The following SH3D19 variants were observed in gnomAD, a reference collection of about 807,000 sequenced individuals.
The protein encoded by SH3D19 is SH3 domain-containing protein 19.
A neutral mutation model predicts 112.1 loss-of-function variants in SH3D19; 58 were observed. That is an observed-to-expected ratio of 0.52 (90% confidence interval 0.42 to 0.64). The LOEUF (loss-of-function observed/expected upper bound fraction) is 0.64. Among genes scored for constraint, SH3D19 ranks in the 30% least tolerant of loss-of-function variants. The pLI is 0.00. For synonymous variants in SH3D19, 391 were observed against 448.5 expected (o/e 0.87, Z 1.62); for missense variants, 1,090 against 1,263.4 (o/e 0.86, Z 2.08).
chr4:151,292,694 CTTT>C (rs1775426202), intron 1 of SH3D19, among the ~76,000 whole-genome samples: 1 of 152,148 alleles, frequency 6.6e-6, no homozygotes, highest in South Asian at 2.1e-4. Flanking sequence ...ATTCATACTT[CTTT>C]AAGTCATCCT....
rs940957773 is a variant in SH3D19 at position 151,254,856 on chromosome 4, G to C, written c.113-28770C>G. Among the ~76,000 whole-genome samples the C allele has an allele frequency of 3.3e-5, 5 of 152,046 alleles. No homozygotes were observed. The South Asian group carries it at 1.0e-3, about 32-fold the overall frequency. ...GTTGGGCACACCTCCCAGACGGGGT[G>C]GTGGCCGGGCAGAGGGCTCCTCACT... On this transcript the variant is annotated intron_variant, in intron 1 of 19. Coordinates refer to ENST00000604030, the MANE Select transcript of SH3D19 (RefSeq NM_001378122.1).
rs1239841437 is a variant in SH3D19 at position 151,325,552 on chromosome 4, G to A, written c.-200C>T. The A allele has an allele frequency of 1.0e-5, 3 of 289,834 alleles. No individual in the cohort carries two copies. Among genetic ancestry groups the A allele is most frequent in the Non-Finnish European group, 1.9e-5 (3 of 157,638 alleles). The allele number at this position is 289,834 out of a possible 1,614,324, so 18.0% of individuals were successfully genotyped here. ...AGCCGGCCGGGCAGCGGCAGGGCGC[G>A]GGCCGAGCCGATTCCCCGCCTCCTT... On this transcript the variant is annotated 5_prime_UTR_variant, in exon 1 of 20. Coordinates refer to ENST00000604030, the MANE Select transcript of SH3D19 (RefSeq NM_001378122.1).
chr4:151,223,363 T>A (rs908610132), intron 2 of SH3D19, among the ~76,000 whole-genome samples: 2 of 152,216 alleles, frequency 1.3e-5, no homozygotes, highest in African/African-American at 4.8e-5. Flanking sequence ...TCCATTATCA[T>A]CATTTTTTTT....
intron 2 of SH3D19, among the ~76,000 whole-genome samples, chr4:151,220,565 G>A (rs1441421639): frequency 6.6e-6 from 1 of 152,116 alleles, no homozygotes; most frequent in East Asian, 1.9e-4. Flanking sequence ...TCTATTGGTG[G>A]CACTGACTGC....
intron 14 of SH3D19, among the ~76,000 whole-genome samples, chr4:151,135,986 A>AAAAACAAAACAAAAC (rs529509279): frequency 0.014 from 2,072 of 148,858 alleles, 62 homozygotes; most frequent in Admixed American, 0.054. Context: ...AGACTGTCTC[A>AAAAACAAAACAAAAC]AAAACAAAAC....
chr4:151,138,520 G>A (rs931881982), intron 13 of SH3D19, among the ~76,000 whole-genome samples: 4 of 151,800 alleles, frequency 2.6e-5, no homozygotes, highest in African/African-American at 4.8e-5. Flanking sequence ...GCAACATAGC[G>A]AGACCATGTC....
chr4:151,138,986 C>A (rs1268776831), intron 13 of SH3D19, among the ~76,000 whole-genome samples: 1 of 152,014 alleles, frequency 6.6e-6, no homozygotes, highest in Non-Finnish European at 1.5e-5. Flanking sequence ...CGTCACCATG[C>A]CCGGCTACTT....
At chr4:151,236,081 G>A (rs375090867) in intron 1 of SH3D19, among the ~76,000 whole-genome samples, 9 of 152,260 alleles carry the variant, frequency 5.9e-5, no homozygotes, top group South Asian at 4.1e-4. Flanking sequence ...GTTGAGAGAT[G>A]ACAACGTGCT....
rs753591432 is a variant in SH3D19 at position 151,179,365 on chromosome 4, G to A, written c.226C>T (p.Arg76Ter). 4 of 1,228,776 alleles carry A rather than the reference G, an allele frequency of 3.3e-6. No homozygotes were observed. The highest frequency in any genetic ancestry group is 4.1e-6 in the Non-Finnish European group (4 of 985,394). 76.1% of individuals were successfully genotyped at this position (1,228,776 alleles called of 1,614,324 possible). A position where few individuals can be genotyped will look rare whatever the true frequency, so the allele number is the denominator to read the frequency against. Reference protein sequence around the residue: ...SRTSIQSELHRDRRRPEITIV... With the variant: ...SRTSIQSELH The stretch of plus-strand genomic sequence containing the variant: ...TAAATATAACCATACCTTCTATCTC[G>A]ATGAAGTTCACTCTGAATAGAAGTC... The change falls in exon 4 of 20, where the codon CGA (arginine) becomes TGA (stop). Residue 76 changes from arginine (R) to a stop codon, truncating the protein, a stop_gained. Transcript: ENST00000604030. LOFTEE classifies it high-confidence loss of function.
intron 1 of SH3D19, chr4:151,280,000 T>G: frequency 7.8e-7 from 1 of 1,284,074 alleles, no homozygotes; most frequent in Non-Finnish European, 1.0e-6. Context: ...AGGTTCTCAG[T>G]GAATATTTGC....
chr4:151,313,018 G>T (rs1393111983), intron 1 of SH3D19, among the ~76,000 whole-genome samples: 1 of 151,482 alleles, frequency 6.6e-6, no homozygotes, highest in East Asian at 1.9e-4. Context: ...GACCCTGGGA[G>T]GGGGAGGTTG....
chr4:151,122,069 G>A lies in SH3D19; in HGVS notation c.*22C>T. 4 of 1,220,686 alleles carry A rather than the reference G, an allele frequency of 3.3e-6. No homozygotes were observed. The highest frequency in any genetic ancestry group is 4.8e-6 in the Non-Finnish European group (4 of 829,664). 75.6% of individuals were successfully genotyped at this position (1,220,686 alleles called of 1,614,324 possible). On this transcript the variant is annotated 3_prime_UTR_variant, in exon 20 of 20. Coordinates refer to ENST00000604030, the MANE Select transcript of SH3D19 (RefSeq NM_001378122.1). ...TAGTTCAAGTGAGTTCTTGTGCCAAGGAACACAGACAAGCTTCTCCTCTAG... is the reference window on the plus strand; with the variant it reads ...TAGTTCAAGTGAGTTCTTGTGCCAAAGAACACAGACAAGCTTCTCCTCTAG...
At position 151,174,779 on chromosome 4, in the gene SH3D19, C is replaced by T. The variant is rs546347128; in HGVS notation, c.1425G>A (p.Leu475=). 1.0e-5 allele frequency: 16 copies of T among 1,548,624 alleles called. No individual in the cohort carries two copies. The South Asian group carries it at 1.5e-4, about 15-fold the overall frequency. Residue 475 remains leucine, a synonymous_variant, in exon 7 of 20, where the codon CTG becomes CTA. Coordinates refer to ENST00000604030, the MANE Select transcript of SH3D19 (RefSeq NM_001378122.1). ...CGATGTCCACCAAGGGCTTGCTCTGCAGAACTGGAACTGGGGGGTTGGCTG... is the reference window on the plus strand; with the variant it reads ...CGATGTCCACCAAGGGCTTGCTCTGTAGAACTGGAACTGGGGGGTTGGCTG... ...GPPANPPVPV[L]QSKPLVDIDL...
At chr4:151,276,559 T>C (rs1437162715) in intron 1 of SH3D19, among the ~76,000 whole-genome samples, 1 of 152,070 alleles carries the variant, frequency 6.6e-6, no homozygotes, top group Non-Finnish European at 1.5e-5. Flanking sequence ...GAGAAACTTG[T>C]GAGATAGGCT....
intron 2 of SH3D19, among the ~76,000 whole-genome samples, chr4:151,218,480 G>A (rs1767495830): frequency 2.6e-5 from 4 of 151,716 alleles, no homozygotes; most frequent in Admixed American, 2.6e-4. Flanking sequence ...GGATACAGTG[G>A]TGTGATCATA....
intron 1 of SH3D19, among the ~76,000 whole-genome samples, chr4:151,264,451 A>C (rs909052540): frequency 1.3e-4 from 19 of 145,034 alleles, no homozygotes; most frequent in African/African-American, 2.6e-4. Flanking sequence ...AAAACCAAAC[A>C]AAAAAAAAAC....
chr4:151,229,722 G>A (rs1769449692), intron 1 of SH3D19, among the ~76,000 whole-genome samples: 1 of 152,164 alleles, frequency 6.6e-6, no homozygotes, highest in Non-Finnish European at 1.5e-5. Flanking sequence ...GGACCAGCCT[G>A]GCCAACATGG....
chr4:151,178,321 A>C (rs1760274392), intron 4 of SH3D19, among the ~76,000 whole-genome samples: 2 of 152,210 alleles, frequency 1.3e-5, no homozygotes, highest in African/African-American at 4.8e-5. Context: ...ATGGATGATA[A>C]TACCTGCTCT....
rs551870303 is a variant in SH3D19 at position 151,237,027 on chromosome 4, T to G, written c.113-10941A>C. ...AAGTCCCCTTCCATACTGTGGAAGC[T>G]TTGTTCTTTCACTCTTCACGATAAA... On this transcript the variant is annotated intron_variant, in intron 1 of 19. Transcript: ENST00000604030. Among the ~76,000 whole-genome samples the G allele has an allele frequency of 2.0e-5, 3 of 152,326 alleles. No individual in the cohort carries two copies. In the South Asian group the frequency reaches 6.2e-4, roughly 32 times the overall value.
Sources: allele counts gnomAD v4.1 joint callset (sites outside exome capture counted in the v4.1 genomes callset), GRCh38; gene constraint gnomAD v4.1.1; transcripts MANE v1.5; gene names NCBI Gene and HGNC (gene_info 2026-07-23, HGNC 2026-07-21).